Variants in MCTP2 observed in about 807,000 individuals in gnomAD.
MCTP2 encodes multiple C2 and transmembrane domain-containing protein 2.
In MCTP2, 132 loss-of-function variants were observed where a neutral mutation model predicts 111.6. That is an observed-to-expected ratio of 1.18 (90% confidence interval 1.03 to 1.37). The LOEUF (loss-of-function observed/expected upper bound fraction) is 1.37. Ranked by LOEUF, MCTP2 falls within the 40% of genes most tolerant of loss-of-function variation. The probability of loss-of-function intolerance (pLI) is 0.00; values close to 1 mark genes in which losing one functional copy is unlikely to be tolerated. For synonymous variants in MCTP2, 395 were observed against 387.7 expected, an observed-to-expected ratio of 1.02 and a Z score of -0.22; for missense variants, 1,183 against 1,067.9, an observed-to-expected ratio of 1.11 and a Z score of -1.50.
intron 2 of MCTP2, among the ~76,000 whole-genome samples, chr15:94,303,504 C>A (rs1321265773): frequency 6.6e-6 from 1 of 152,108 alleles, no homozygotes; most frequent in African/African-American, 2.4e-5. Context: ...CACAGACACA[C>A]CCAGGATCAA....
chr15:94,418,949 T>C lies in MCTP2; in HGVS notation c.2085+16930T>C, dbSNP rs191164616. ...GAGTCTAAAAGCCTCTAATTTATAT[T>C]TAATATTAAGATAATACATTTTATA... On this transcript the variant is annotated intron_variant, in intron 17 of 22. Coordinates refer to ENST00000357742, the MANE Select transcript of MCTP2 (RefSeq NM_001385001.1). Among the ~76,000 whole-genome samples the C allele has an allele frequency of 3.0e-3, 451 of 152,232 alleles. 6 individuals are homozygous for C. Among genetic ancestry groups the C allele is most frequent in the African/African-American group, 0.01 (431 of 41,568 alleles).
chr15:94,331,856 G>T lies in MCTP2; in HGVS notation c.638-7434G>T, dbSNP rs544463796. Reference sequence around the variant, plus strand: ...GAGAAGTTCAGGAATAGTTCAATCAGAGTGTGCTAAATGGCAAAACATGGA... The same window carrying T: ...GAGAAGTTCAGGAATAGTTCAATCATAGTGTGCTAAATGGCAAAACATGGA... On this transcript the variant is annotated intron_variant, in intron 4 of 22. Transcript: ENST00000357742. Among the ~76,000 whole-genome samples the T allele has an allele frequency of 5.3e-5, 8 of 152,318 alleles. No individual in the cohort carries two copies. In the South Asian group the frequency reaches 1.7e-3, roughly 32 times the overall value.
intron 1 of MCTP2, chr15:94,273,597 C>A: frequency 4.9e-6 from 1 of 202,262 alleles, no homozygotes; most frequent in South Asian, 1.0e-4. Flanking sequence ...CGTCCCTGCT[C>A]TCCAAAGAGC....
chr15:94,275,844 ATTTTT>A (rs35006187), intron 1 of MCTP2, among the ~76,000 whole-genome samples: 1 of 131,538 alleles, frequency 7.6e-6, no homozygotes, highest in Non-Finnish European at 1.6e-5. Context: ...TTTTATAAGC[ATTTTT>A]TTTTTTTTTT....
At chr15:94,441,154 T>G (rs1460043511) in intron 18 of MCTP2, among the ~76,000 whole-genome samples, 3 of 152,250 alleles carry the variant, frequency 2.0e-5, no homozygotes, top group Non-Finnish European at 4.4e-5. Context: ...ACTGTTTTTA[T>G]TTTTCCTTAT....
intron 1 of MCTP2, among the ~76,000 whole-genome samples, chr15:94,292,247 A>G (rs1037749342): frequency 6.6e-6 from 1 of 152,200 alleles, no homozygotes; most frequent in African/African-American, 2.4e-5. Flanking sequence ...TGAGGGGGAA[A>G]AAAAAGAATA....
chr15:94,390,745 T>G (rs1430108318), intron 14 of MCTP2, among the ~76,000 whole-genome samples: 79 of 148,270 alleles, frequency 5.3e-4, no homozygotes, highest in Non-Finnish European at 8.2e-4. Context: ...TTTTTTTTTT[T>G]TTGGGATGGA....
At chr15:94,329,181 T>A (rs1160490357) in intron 4 of MCTP2, among the ~76,000 whole-genome samples, 3 of 152,172 alleles carry the variant, frequency 2.0e-5, no homozygotes, top group African/African-American at 7.2e-5. Flanking sequence ...ACCACAGAAT[T>A]TGGGGGCTAT....
At chr15:94,368,060 T>C (rs186601360) in intron 11 of MCTP2, among the ~76,000 whole-genome samples, 2 of 152,340 alleles carry the variant, frequency 1.3e-5, no homozygotes, top group South Asian at 2.1e-4. Context: ...TTGGGGAATG[T>C]TGAAATCCCC....
chr15:94,472,937 G>C (rs1316461147), intron 21 of MCTP2, among the ~76,000 whole-genome samples: 1 of 152,134 alleles, frequency 6.6e-6, no homozygotes, highest in African/African-American at 2.4e-5. Context: ...AAATGTATAT[G>C]TCTTAAAGTT....
chr15:94,326,243 G>A (rs1340861765), intron 4 of MCTP2, among the ~76,000 whole-genome samples: 1 of 152,088 alleles, frequency 6.6e-6, no homozygotes, highest in African/African-American at 2.4e-5. Flanking sequence ...TTATTTTGGA[G>A]AAGAAATTAA....
intron 14 of MCTP2, among the ~76,000 whole-genome samples, chr15:94,393,103 A>G (rs551159048): frequency 5.3e-5 from 8 of 152,316 alleles, no homozygotes; most frequent in African/African-American, 1.9e-4. Context: ...AATAATATGT[A>G]TTATCTATGA....
At chr15:94,232,294 G>T (rs1231669526) in intron 1 of MCTP2, among the ~76,000 whole-genome samples, 1 of 152,116 alleles carries the variant, frequency 6.6e-6, no homozygotes, top group Non-Finnish European at 1.5e-5. Flanking sequence ...AAATGATTGG[G>T]TTGCCATAAA....
chr15:94,282,278 T>C (rs932729486), intron 1 of MCTP2, among the ~76,000 whole-genome samples: 1 of 152,246 alleles, frequency 6.6e-6, no homozygotes, highest in Non-Finnish European at 1.5e-5. Context: ...TCTGCCTGCG[T>C]TGATTCAAAT....
At chr15:94,316,779 AT>A (rs1471715734) in intron 4 of MCTP2, among the ~76,000 whole-genome samples, 3 of 151,072 alleles carry the variant, frequency 2.0e-5, no homozygotes, top group South Asian at 2.1e-4. Context: ...TTTTTTCTTT[AT>A]GATATTTATT....
rs2074590225 is a variant in MCTP2 at position 94,478,987 on chromosome 15, C to G, written c.2590C>G (p.Leu864Val). Residue 864 changes from leucine (L) to valine (V), a missense_variant, in exon 23 of 23, where the codon CTC (leucine) becomes GTC (valine). Leu to Val is a conservative substitution (Grantham distance 32). Coordinates refer to ENST00000357742, the MANE Select transcript of MCTP2 (RefSeq NM_001385001.1). ...ACAGGTGCAGTATGCAGAATTGAAACTCTGCAGCAGCCACAGCCCCCTGCG... is the reference window on the plus strand; with the variant it reads ...ACAGGTGCAGTATGCAGAATTGAAAGTCTGCAGCAGCCACAGCCCCCTGCG... The part of the protein sequence containing the change: ...VQKVQYAELK[L>V]CSSHSPLRKK... 6.2e-7 allele frequency: 1 copy of G among 1,613,956 alleles called. No homozygotes were observed. The highest frequency in any genetic ancestry group is 1.3e-5 in the African/African-American group (1 of 74,942).
intron 10 of MCTP2, among the ~76,000 whole-genome samples, chr15:94,362,338 T>A (rs1201190678): frequency 6.6e-6 from 1 of 152,228 alleles, no homozygotes; most frequent in Non-Finnish European, 1.5e-5. Flanking sequence ...TATTTTATAT[T>A]TCAAGGGGAT....
chr15:94,286,179 A>G (rs1156611559), intron 1 of MCTP2, among the ~76,000 whole-genome samples: 7 of 152,130 alleles, frequency 4.6e-5, no homozygotes, highest in Admixed American at 4.6e-4. Context: ...AAAAGAGGAG[A>G]GATTTGTTTT....
chr15:94,398,452 C>G (rs1052546234), intron 14 of MCTP2, among the ~76,000 whole-genome samples: 8 of 152,170 alleles, frequency 5.3e-5, no homozygotes, highest in African/African-American at 1.7e-4. Context: ...AAAGAACTAA[C>G]ATTGTTACCT....
Sources: gnomAD v4.1 joint callset for allele counts (sites outside exome capture counted in the v4.1 genomes callset) on GRCh38, gnomAD v4.1.1 for gene constraint, MANE v1.5 for transcripts, NCBI Gene and HGNC (gene_info 2026-07-23, HGNC 2026-07-21) for gene names.